SNAP23: variants seen among roughly 807,000 people sequenced by gnomAD.
SNAP23 encodes synaptosome associated protein 23, also known as synaptosomal-associated protein 23.
In SNAP23, 11 loss-of-function variants were observed where a neutral mutation model predicts 29.0. The observed-to-expected ratio is 0.38, with a 90% confidence interval of 0.24 to 0.63. The LOEUF (loss-of-function observed/expected upper bound fraction) is 0.63. Among genes scored for constraint, SNAP23 ranks in the 20% least tolerant of loss-of-function variants. SNAP23 has a pLI of 0.58. For synonymous variants in SNAP23, 60 were observed against 82.9 expected, an observed-to-expected ratio of 0.72 and a Z score of 1.50; for missense variants, 220 against 253.9, an observed-to-expected ratio of 0.87 and a Z score of 0.91.
intron 2 of SNAP23, 61 bp from the exon 3 acceptor site, chr15:42,512,894 C>A: frequency 1.5e-6 from 2 of 1,301,598 alleles, no homozygotes; most frequent in South Asian, 1.2e-5. Context: ...TGAATTTGGC[C>A]TGTGATCAGA....
chr15:42,525,292 C>T (rs565442535), intron 5 of SNAP23, among the ~76,000 whole-genome samples: 99 of 148,238 alleles, frequency 6.7e-4, no homozygotes, highest in Non-Finnish European at 1.1e-3. Flanking sequence ...GGTGTGAACC[C>T]GGGAGGCGGA....
rs1334453999 is a variant in SNAP23, at chr15:42,532,473, C to T, written c.*995C>T. 1.3e-5 allele frequency: 2 copies of T among 152,280 alleles called. No homozygotes were observed. The highest frequency in any genetic ancestry group is 2.9e-5 in the Non-Finnish European group (2 of 68,038). The allele number at this position is 152,280 out of a possible 1,614,324, so 9.4% of individuals were successfully genotyped here. A position where few individuals can be genotyped will look rare whatever the true frequency, so the allele number is the denominator to read the frequency against. On this transcript the variant is annotated 3_prime_UTR_variant, in exon 8 of 8. Coordinates refer to ENST00000249647, the MANE Select transcript of SNAP23 (RefSeq NM_003825.4). ...TGATCCCATTTCTTATTGCACCATT[C>T]AGGAACACTTTATATAAATGAGTGG...
chr15:42,516,176 G>GT (rs1341238094), intron 5 of SNAP23, among the ~76,000 whole-genome samples: 3 of 151,836 alleles, frequency 2.0e-5, no homozygotes, highest in Admixed American at 6.6e-5. Context: ...GTTTTGTTTT[G>GT]TTTTTTTTCT....
upstream of SNAP23, among the ~76,000 whole-genome samples, chr15:42,493,419 C>T (rs2057190622): frequency 6.6e-6 from 1 of 151,766 alleles, no homozygotes; most frequent in Non-Finnish European, 1.5e-5. Context: ...CTGTTGGACA[C>T]GATGCTAGTA....
rs528921865 is a variant in SNAP23 at position 42,525,842 on chromosome 15, C to T, written c.267-2420C>T. On this transcript the variant is annotated intron_variant, in intron 5 of 7. Coordinates refer to ENST00000249647, the MANE Select transcript of SNAP23 (RefSeq NM_003825.4). Reference sequence around the variant, plus strand: ...TATAGACTATGTTTCAATTAAAAATCATTCACATGATCATTTTTAAACAAT... The same window carrying T: ...TATAGACTATGTTTCAATTAAAAATTATTCACATGATCATTTTTAAACAAT... 4.6e-5 allele frequency among the ~76,000 whole-genome samples: 7 copies of T among 152,242 alleles called. No homozygotes were observed. The South Asian group carries it at 1.5e-3, about 32-fold the overall frequency.
At chr15:42,500,388 C>CA (rs2057259054) in intron 1 of SNAP23, among the ~76,000 whole-genome samples, 1 of 147,970 alleles carries the variant, frequency 6.8e-6, no homozygotes, top group African/African-American at 2.5e-5. Context: ...TTTTCTTTTC[C>CA]CTTTTTTTTT....
chr15:42,521,338 C>G, intron 5 of SNAP23: 1 of 421,854 alleles, frequency 2.4e-6, no homozygotes, highest in Non-Finnish European at 3.2e-6. Flanking sequence ...TTGGTTTTTG[C>G]CTTCTCTCAT....
chr15:42,493,666 A>G (rs1382181523), upstream of SNAP23, among the ~76,000 whole-genome samples: 1 of 152,080 alleles, frequency 6.6e-6, no homozygotes. Flanking sequence ...ATTTTTGCCC[A>G]TATTAAAAAG....
chr15:42,511,950 A>C (rs140830704), intron 2 of SNAP23, 47 bp downstream of exon 2: 1 of 1,341,706 alleles, frequency 7.5e-7, no homozygotes. Context: ...TTCAGTTTTC[A>C]TATTGGAGGA....
chr15:42,531,664 C>T lies in SNAP23; in HGVS notation c.*186C>T, dbSNP rs2141565554. The T allele has an allele frequency of 2.2e-6, 1 of 444,548 alleles. No homozygotes were observed. The highest frequency in any genetic ancestry group is 5.0e-5 in the South Asian group (1 of 19,966). 27.5% of individuals were successfully genotyped at this position (444,548 alleles called of 1,614,324 possible). On this transcript the variant is annotated 3_prime_UTR_variant, in exon 8 of 8. Transcript: ENST00000249647. ...CTGTTGAGGGCCGACTGCTGCTCTG[C>T]CTTCCTTCTAGTATTTTCTTTCTCA...
At chr15:42,520,279 G>A (rs2141540302) in intron 5 of SNAP23, among the ~76,000 whole-genome samples, 1 of 151,866 alleles carries the variant, frequency 6.6e-6, no homozygotes, top group African/African-American at 2.4e-5. Context: ...TCGAACTCCT[G>A]ACCACGTGAT....
chr15:42,525,475 T>TTTTTTTTTTTTTTG (rs2057494143), intron 5 of SNAP23, among the ~76,000 whole-genome samples: 1 of 104,226 alleles, frequency 9.6e-6, no homozygotes. Flanking sequence ...TTTTTTTTTT[T>TTTTTTTTTTTTTTG]TTTTTTGAGA....
At chr15:42,500,795 TACTGTGTTTTTTTA>T (rs2057263054) in intron 1 of SNAP23, among the ~76,000 whole-genome samples, 1 of 152,186 alleles carries the variant, frequency 6.6e-6, no homozygotes, top group African/African-American at 2.4e-5. Flanking sequence ...AAACAAAATG[TACTGTGTTTTTTTA>T]AATAGTAAGA....
chr15:42,494,023 ACT>A (rs1280973628), upstream of SNAP23, among the ~76,000 whole-genome samples: 1 of 151,964 alleles, frequency 6.6e-6, no homozygotes, highest in African/African-American at 2.4e-5. Context: ...ATCTTTGCCT[ACT>A]GACTATCCCT....
intron 7 of SNAP23, among the ~76,000 whole-genome samples, chr15:42,530,216 A>G (rs2057549843): frequency 6.6e-6 from 1 of 152,134 alleles, no homozygotes; most frequent in Non-Finnish European, 1.5e-5. Flanking sequence ...CCTGCCTCCT[A>G]GGCTAAAGCG....
At chr15:42,528,139 T>TGGGTGG in intron 5 of SNAP23, 123 bp from the exon 6 acceptor site, 1 of 645,802 alleles carries the variant, frequency 1.5e-6, no homozygotes, top group Non-Finnish European at 2.6e-6. Context: ...TCATCTAGAC[T>TGGGTGG]TAGCTGTATG....
chr15:42,513,018 A>C (rs570998695), intron 3 of SNAP23, 22 bp downstream of exon 3: 3 of 1,571,186 alleles, frequency 1.9e-6, no homozygotes, highest in South Asian at 2.2e-5. Context: ...TTAGTCATCA[A>C]CTTAAGTATA....
In SNAP23 at chr15:42,528,367, T is replaced by C; in HGVS notation, c.372T>C (p.Asn124=). 1 of 1,614,100 alleles carries C rather than the reference T, an allele frequency of 6.2e-7. No individual in the cohort carries two copies. The highest frequency in any genetic ancestry group is 1.1e-5 in the South Asian group (1 of 91,082). ...VVSKQPGPVT[N]GQLQQPTTGA... ...CTAAACAGCCAGGCCCGGTGACAAATGGTCAGCTTCAGCAACCAACAACGG... is the reference window on the plus strand; with the variant it reads ...CTAAACAGCCAGGCCCGGTGACAAACGGTCAGCTTCAGCAACCAACAACGG... The change falls in exon 6 of 8, where the codon AAT becomes AAC. Residue 124 remains asparagine, a synonymous_variant. Coordinates refer to ENST00000249647, the MANE Select transcript of SNAP23 (RefSeq NM_003825.4).
intron 3 of SNAP23, 67 bp from the exon 4 acceptor site, chr15:42,513,332 G>T: frequency 7.3e-7 from 1 of 1,378,608 alleles, no homozygotes; most frequent in Non-Finnish European, 1.0e-6. Flanking sequence ...TGTTGCTCTT[G>T]TAGGTTTTGT....
Sources: gnomAD v4.1 joint callset for allele counts (sites outside exome capture counted in the v4.1 genomes callset) on GRCh38, gnomAD v4.1.1 for gene constraint, MANE v1.5 for transcripts, NCBI Gene and HGNC (gene_info 2026-07-23, HGNC 2026-07-21) for gene names.